ATP8B4: variants seen among roughly 807,000 people sequenced by gnomAD.
ATP8B4 encodes ATPase phospholipid transporting 8B4 (putative).
In ATP8B4, 133 loss-of-function variants were observed where a neutral mutation model predicts 145.6. The ratio of observed to expected loss-of-function variants is 0.91; its 90% CI spans 0.79 to 1.05. The LOEUF (loss-of-function observed/expected upper bound fraction) is 1.05. Ranked by LOEUF, ATP8B4 falls within the 50% of genes least tolerant of loss-of-function variation. The probability of loss-of-function intolerance (pLI) is 0.00; values close to 1 mark genes in which losing one functional copy is unlikely to be tolerated. For missense variants in ATP8B4, 1,458 were observed against 1,425.2 expected (o/e 1.02, Z -0.37); for synonymous variants, 507 against 492.9 (o/e 1.03, Z -0.38).
At chr15:50,102,121 A>C (rs2056395741) in intron 2 of ATP8B4, among the ~76,000 whole-genome samples, 1 of 152,156 alleles carries the variant, frequency 6.6e-6, no homozygotes, top group Non-Finnish European at 1.5e-5. Context: ...CATAGCATTA[A>C]ATGCCTACAT....
chr15:50,145,351 T>G (rs1337466936), intron 1 of ATP8B4, among the ~76,000 whole-genome samples: 1 of 152,240 alleles, frequency 6.6e-6, no homozygotes, highest in Non-Finnish European at 1.5e-5. Context: ...CATACATTGA[T>G]TCAGGATCAG....
chr15:50,111,502 C>T (rs535002271), intron 1 of ATP8B4, among the ~76,000 whole-genome samples: 1 of 152,324 alleles, frequency 6.6e-6, no homozygotes, highest in African/African-American at 2.4e-5. Context: ...GGTCCAAAGT[C>T]TACAGGACAA....
chr15:50,073,019 T>TATATATATATATACACACAC (rs1455088682), intron 3 of ATP8B4, among the ~76,000 whole-genome samples: 1 of 32,436 alleles, frequency 3.1e-5, no homozygotes, highest in Non-Finnish European at 5.4e-5. Flanking sequence ...TATATATATA[T>TATATATATATATACACACAC]ACACACACAC....
rs559208463 is a variant in ATP8B4, at chr15:50,116,748, C to T, written c.-43+2375G>A. Among the ~76,000 whole-genome samples, 88 of 152,124 alleles carry T rather than the reference C, an allele frequency of 5.8e-4. No individual in the cohort carries two copies. The Middle Eastern group carries it at 0.01, about 18-fold the overall frequency. ...TCCCTCTGTGACCTTTTCCCCTAGG[C>T]ATCTAGTACAGTGCCCGGCACTGGG... On this transcript the variant is annotated intron_variant, in intron 1 of 27. Transcript: ENST00000284509.
At chr15:50,036,540 A>G (rs1457538768) in intron 6 of ATP8B4, among the ~76,000 whole-genome samples, 2 of 152,182 alleles carry the variant, frequency 1.3e-5, no homozygotes, top group Non-Finnish European at 2.9e-5. Context: ...TCAAAATCCA[A>G]AAAGTGAAAA....
At chr15:50,028,597 T>G (rs768686829) in intron 6 of ATP8B4, among the ~76,000 whole-genome samples, 2 of 152,222 alleles carry the variant, frequency 1.3e-5, no homozygotes, top group African/African-American at 2.4e-5. Context: ...GAGAGTATCC[T>G]GGCAATTCTA....
At chr15:49,942,166 C>T (rs926078161) in intron 14 of ATP8B4, among the ~76,000 whole-genome samples, 2 of 152,030 alleles carry the variant, frequency 1.3e-5, no homozygotes, top group Admixed American at 1.3e-4. Context: ...AACCAAAAAC[C>T]ACTTGTACCC....
At chr15:50,046,766 T>A (rs1490846015) in intron 4 of ATP8B4, among the ~76,000 whole-genome samples, 1 of 152,198 alleles carries the variant, frequency 6.6e-6, no homozygotes, top group East Asian at 1.9e-4. Context: ...ATTCATATGT[T>A]TTTCCTTCCC....
chr15:50,091,049 C>T (rs1318735666), intron 2 of ATP8B4, among the ~76,000 whole-genome samples: 1 of 152,046 alleles, frequency 6.6e-6, no homozygotes, highest in East Asian at 1.9e-4. Flanking sequence ...GAAAATAGCA[C>T]ATTTGAGATT....
At chr15:50,143,794 C>T (rs2044242724) in intron 1 of ATP8B4, among the ~76,000 whole-genome samples, 1 of 152,112 alleles carries the variant, frequency 6.6e-6, no homozygotes, top group South Asian at 2.1e-4. Flanking sequence ...ATTAAAGGTA[C>T]CATGTTATAT....
chr15:50,041,230 C>T (rs1451911636), intron 5 of ATP8B4, among the ~76,000 whole-genome samples: 1 of 152,180 alleles, frequency 6.6e-6, no homozygotes, highest in African/African-American at 2.4e-5. Flanking sequence ...CACATTTACT[C>T]CAAAGATGCC....
At chr15:50,017,275 G>A (rs935196) in intron 6 of ATP8B4, among the ~76,000 whole-genome samples, 75,616 of 151,938 alleles carry the variant, frequency 0.5, 20,166 homozygotes, top group East Asian at 0.71. Flanking sequence ...GATAACCACC[G>A]ACTATCTAAC....
intron 9 of ATP8B4, among the ~76,000 whole-genome samples, chr15:49,989,643 G>T (rs1422562725): frequency 6.6e-6 from 1 of 151,870 alleles, no homozygotes; most frequent in Non-Finnish European, 1.5e-5. Context: ...GTACTGCCTG[G>T]GTTCTTGGAG....
At chr15:49,998,302 G>C (rs2047592052) in intron 8 of ATP8B4, among the ~76,000 whole-genome samples, 2 of 151,746 alleles carry the variant, frequency 1.3e-5, no homozygotes, top group Non-Finnish European at 2.9e-5. Flanking sequence ...CTAGATCCCT[G>C]AGGAATCGCC....
intron 3 of ATP8B4, among the ~76,000 whole-genome samples, chr15:50,054,355 G>T (rs551921182): frequency 6.6e-6 from 1 of 152,262 alleles, no homozygotes; most frequent in Admixed American, 6.5e-5. Flanking sequence ...CAACTTACTG[G>T]CCAAAAGAGT....
rs755903485 is a variant in ATP8B4 at position 49,859,020 on chromosome 15, T to C, written c.*1174A>G. ...GAAGGCACATTATCGTCCAAGTTTA[T>C]AGAGGTAAGAAGTGACAGAACTGAG... On this transcript the variant is annotated 3_prime_UTR_variant, in exon 28 of 28. Coordinates refer to ENST00000284509, the MANE Select transcript of ATP8B4 (RefSeq NM_024837.4). 3.3e-5 allele frequency: 5 copies of C among 152,196 alleles called. No individual in the cohort carries two copies. Among genetic ancestry groups the C allele is most frequent in the Admixed American group, 6.5e-5 (1 of 15,280 alleles). 9.4% of individuals were successfully genotyped at this position (152,196 alleles called of 1,614,324 possible).
intron 7 of ATP8B4, among the ~76,000 whole-genome samples, chr15:50,008,182 A>C (rs2048457685): frequency 2.0e-5 from 3 of 152,168 alleles, no homozygotes; most frequent in Admixed American, 2.0e-4. Flanking sequence ...GATAGCGTGG[A>C]AGAGCAGAGC....
At chr15:49,931,593 C>A (rs1258163611) in intron 15 of ATP8B4, among the ~76,000 whole-genome samples, 1 of 152,014 alleles carries the variant, frequency 6.6e-6, no homozygotes, top group Non-Finnish European at 1.5e-5. Flanking sequence ...GGTTAGAGAT[C>A]AAACCTTTGT....
intron 6 of ATP8B4, among the ~76,000 whole-genome samples, chr15:50,020,658 A>T (rs1045917628): frequency 2.0e-5 from 3 of 152,144 alleles, no homozygotes; most frequent in African/African-American, 7.2e-5. Context: ...GCAGAAAACC[A>T]CCACCACCAC....
Sources: allele counts gnomAD v4.1 joint callset (sites outside exome capture counted in the v4.1 genomes callset), GRCh38; gene constraint gnomAD v4.1.1; transcripts MANE v1.5; gene names NCBI Gene and HGNC (gene_info 2026-07-23, HGNC 2026-07-21).